PCDHGB5: variants seen among roughly 807,000 people sequenced by gnomAD.
The protein encoded by PCDHGB5 is protocadherin gamma subfamily B, 5, also known as protocadherin gamma-B5.
In PCDHGB5, 48 loss-of-function variants were observed where a neutral mutation model predicts 62.9. The observed-to-expected ratio is 0.76, with a 90% confidence interval of 0.61 to 0.97. The LOEUF is 0.97. Among genes scored for constraint, PCDHGB5 ranks in the 50% least tolerant of loss-of-function variants. The probability of loss-of-function intolerance (pLI) is 0.00; values close to 1 mark genes in which losing one functional copy is unlikely to be tolerated. For synonymous variants in PCDHGB5, 474 were observed against 511.2 expected (o/e 0.93, Z 0.98); for missense variants, 1,118 against 1,198.6 (o/e 0.93, Z 0.99).
At chr5:141,427,100 T>G (rs1270371842) in intron 1 of PCDHGB5, 1 of 458,010 alleles carries the variant, frequency 2.2e-6, no homozygotes, top group Non-Finnish European at 4.4e-6. Flanking sequence ...AGGGTGTCAA[T>G]GCGGAGATCA....
chr5:141,402,867 C>A (rs996572604), intron 1 of PCDHGB5: 7 of 1,443,390 alleles, frequency 4.8e-6, no homozygotes, highest in Non-Finnish European at 6.4e-6. Context: ...AGGAAAAGAT[C>A]ACCATACTTT....
At chr5:141,499,212 G>A (rs904920940) in intron 2 of PCDHGB5, among the ~76,000 whole-genome samples, 1 of 151,898 alleles carries the variant, frequency 6.6e-6, no homozygotes, top group African/African-American at 2.4e-5. Context: ...TGTAACCCAG[G>A]CCCTGCCCTG....
chr5:141,496,737 C>T (rs900394639), intron 2 of PCDHGB5, among the ~76,000 whole-genome samples: 9 of 152,168 alleles, frequency 5.9e-5, no homozygotes, highest in African/African-American at 2.2e-4. Context: ...TTCATTCGTT[C>T]ATTTATTCAA....
chr5:141,472,230 C>T (rs1274096264), intron 1 of PCDHGB5, among the ~76,000 whole-genome samples: 1 of 152,116 alleles, frequency 6.6e-6, no homozygotes, highest in Non-Finnish European at 1.5e-5. Flanking sequence ...TCATATAATA[C>T]ATTCACTTTC....
In PCDHGB5 at chr5:141,482,773, C is replaced by A. The variant is rs2009076; in HGVS notation, c.2398-12034C>A. ...ATTATGGTATTTCATTATCACTGAA[C>A]CTTAAACTGTGTGTGTGGCCGGGTA... On this transcript the variant is annotated intron_variant, in intron 1 of 3. Coordinates refer to ENST00000617380, the MANE Select transcript of PCDHGB5 (RefSeq NM_018925.3). 9.1e-3 allele frequency among the ~76,000 whole-genome samples: 1,158 copies of A among 127,768 alleles called. 29 individuals carry two copies. Among genetic ancestry groups the A allele is most frequent in the Middle Eastern group, 0.013 (3 of 228 alleles). 83.8% of individuals were successfully genotyped at this position (127,768 alleles called of 152,430 possible). A position where few individuals can be genotyped will look rare whatever the true frequency, so the allele number is the denominator to read the frequency against.
chr5:141,488,292 G>A (rs961688781), intron 1 of PCDHGB5, among the ~76,000 whole-genome samples: 1 of 152,216 alleles, frequency 6.6e-6, no homozygotes, highest in African/African-American at 2.4e-5. Flanking sequence ...AAAACAGTAA[G>A]TGAAATCACT....
rs201968743 is a variant in PCDHGB5, at chr5:141,490,095, A to G, written c.2398-4712A>G. On this transcript the variant is annotated intron_variant, in intron 1 of 3. Coordinates refer to ENST00000617380, the MANE Select transcript of PCDHGB5 (RefSeq NM_018925.3). The surrounding 1 kb of genome is among the most constrained non-coding windows in gnomAD (Gnocchi z 5.4). ...TAGACTATTCTTTTGGAGACCACAC[A>G]TCTGAGGCAGTGCGGAACCTCTTTG... 2.4e-4 allele frequency: 394 copies of G among 1,614,156 alleles called. No individual in the cohort carries two copies. The highest frequency in any genetic ancestry group is 3.1e-4 in the Non-Finnish European group (363 of 1,180,054).
intron 1 of PCDHGB5, chr5:141,418,636 C>G (rs564881404): frequency 6.2e-7 from 1 of 1,613,980 alleles, no homozygotes; most frequent in South Asian, 1.1e-5. Context: ...CTCCAGGCAC[C>G]TCCATCCTGA....
chr5:141,410,255 C>T (rs758117248), intron 1 of PCDHGB5: 26 of 1,614,030 alleles, frequency 1.6e-5, no homozygotes, highest in Non-Finnish European at 1.9e-5. Flanking sequence ...CTCTGACCCC[C>T]AGGCTGAACT....
At chr5:141,460,951 G>GTATATATATA (rs200454978) in intron 1 of PCDHGB5, among the ~76,000 whole-genome samples, 1 of 139,722 alleles carries the variant, frequency 7.2e-6, no homozygotes, top group African/African-American at 2.8e-5. Context: ...TATGTATTAT[G>GTATATATATA]TATATATATA....
At chr5:141,456,217 A>G (rs1328039447) in intron 1 of PCDHGB5, among the ~76,000 whole-genome samples, 1 of 152,064 alleles carries the variant, frequency 6.6e-6, no homozygotes, top group East Asian at 1.9e-4. Context: ...CCCTGTGGCG[A>G]TATCAAACTA....
At chr5:141,418,127 A>G in intron 1 of PCDHGB5, 1 of 1,614,104 alleles carries the variant, frequency 6.2e-7, no homozygotes, top group East Asian at 2.2e-5. Flanking sequence ...GAAGGACCGA[A>G]TAGACCGTGA....
intron 1 of PCDHGB5, chr5:141,429,173 C>CA (rs1561839883): frequency 7.9e-6 from 1 of 125,872 alleles, no homozygotes; most frequent in Non-Finnish European, 1.7e-5. Flanking sequence ...TGTTTATACA[C>CA]ACACACACAC....
chr5:141,428,443 G>T (rs1004000862), intron 1 of PCDHGB5: 5 of 383,870 alleles, frequency 1.3e-5, no homozygotes, highest in Non-Finnish European at 2.0e-5. Context: ...TAGACCAGGG[G>T]TTTTTCCCAA....
At chr5:141,410,419 T>TC (rs769125626) in intron 1 of PCDHGB5, 49 of 1,613,886 alleles carry the variant, frequency 3.0e-5, no homozygotes, top group Non-Finnish European at 3.6e-5. Context: ...GACCTGTAGT[T>TC]CCCCCCAACT....
intron 1 of PCDHGB5, chr5:141,413,304 A>G: frequency 6.2e-7 from 1 of 1,613,982 alleles, no homozygotes; most frequent in Non-Finnish European, 8.5e-7. Context: ...CTGAGGAATT[A>G]GAGAAAGGCT....
intron 1 of PCDHGB5, among the ~76,000 whole-genome samples, chr5:141,438,397 C>A (rs950830331): frequency 6.6e-6 from 1 of 151,624 alleles, no homozygotes. Context: ...TCATCATTAA[C>A]TCTCTGAAGT....
Position 141,477,286 on chromosome 5 carries a change from A to G in PCDHGB5, c.2398-17521A>G, listed in dbSNP as rs1367207950. 1.9e-6 allele frequency: 3 copies of G among 1,614,194 alleles called. No individual in the cohort carries two copies. Among genetic ancestry groups the G allele is most frequent in the Non-Finnish European group, 8.5e-7 (1 of 1,180,034 alleles). ...GCGAGAACGGGCTGGTGACCTGCGA[A>G]GTTCCACCGGGTCTCCCTTTCAGCC... On this transcript the variant is annotated intron_variant, in intron 1 of 3. Coordinates refer to ENST00000617380, the MANE Select transcript of PCDHGB5 (RefSeq NM_018925.3). The surrounding 1 kb of genome is among the most constrained non-coding windows in gnomAD (Gnocchi z 4.9).
At chr5:141,468,409 A>G (rs183146641) in intron 1 of PCDHGB5, 1 of 152,230 alleles carries the variant, frequency 6.6e-6, no homozygotes, top group East Asian at 1.9e-4. Flanking sequence ...AACTAATAAT[A>G]AGTTAGATAG....
Sources: gnomAD v4.1 joint callset for allele counts (sites outside exome capture counted in the v4.1 genomes callset) on GRCh38, gnomAD v4.1.1 for gene constraint, Gnocchi (gnomAD v3.1) non-coding constraint, MANE v1.5 for transcripts, NCBI Gene and HGNC (gene_info 2026-07-23, HGNC 2026-07-21) for gene names.